The following PHACTR1 variants were observed in gnomAD, a reference collection of about 807,000 sequenced individuals.
PHACTR1 encodes RPEL repeat containing 1.
A neutral mutation model predicts 69.2 loss-of-function variants in PHACTR1; 16 were observed. The ratio of observed to expected loss-of-function variants is 0.23; its 90% CI spans 0.16 to 0.35. The LOEUF (loss-of-function observed/expected upper bound fraction) is 0.35, where lower values mean the gene tolerates loss of function less well. Among genes scored for constraint, PHACTR1 ranks in the 10% least tolerant of loss-of-function variants. The probability of loss-of-function intolerance (pLI) is 1.00; values close to 1 mark genes in which losing one functional copy is unlikely to be tolerated. For missense variants in PHACTR1, 510 were observed against 734.7 expected (o/e 0.69, Z 3.54); for synonymous variants, 312 against 284.5 (o/e 1.10, Z -0.97).
At chr6:12,950,335 G>A (rs923787954) in intron 4 of PHACTR1, among the ~76,000 whole-genome samples, 3 of 152,170 alleles carry the variant, frequency 2.0e-5, no homozygotes, top group African/African-American at 2.4e-5. Context: ...AAGCTACATT[G>A]CCTTTTATGA....
At chr6:12,942,645 C>T (rs977851203) in intron 4 of PHACTR1, among the ~76,000 whole-genome samples, 1 of 152,088 alleles carries the variant, frequency 6.6e-6, no homozygotes, top group Non-Finnish European at 1.5e-5. Flanking sequence ...GGCGACAGAA[C>T]GAGATCCTGT....
At chr6:12,761,761 A>G (rs1768042018) in intron 4 of PHACTR1, among the ~76,000 whole-genome samples, 1 of 152,134 alleles carries the variant, frequency 6.6e-6, no homozygotes, top group African/African-American at 2.4e-5. Flanking sequence ...CCCCAACTGA[A>G]TGCCCTAATT....
chr6:13,048,887 C>T (rs1274931127), intron 4 of PHACTR1, among the ~76,000 whole-genome samples: 1 of 152,238 alleles, frequency 6.6e-6, no homozygotes, highest in Non-Finnish European at 1.5e-5. Context: ...GCCATCCTCA[C>T]ACTTAAGCCT....
chr6:13,194,378 G>A (rs1250481113), intron 7 of PHACTR1, among the ~76,000 whole-genome samples: 1 of 147,388 alleles, frequency 6.8e-6, no homozygotes, highest in Non-Finnish European at 1.5e-5. Context: ...ACTCCAGCCT[G>A]GTGACAGAGC....
chr6:12,964,289 A>G (rs146404310), intron 4 of PHACTR1, among the ~76,000 whole-genome samples: 2 of 152,358 alleles, frequency 1.3e-5, no homozygotes, highest in Non-Finnish European at 2.9e-5. Context: ...ATTTTAACAA[A>G]ATATAGAAAA....
chr6:13,002,854 A>G (rs1798261223), intron 4 of PHACTR1, among the ~76,000 whole-genome samples: 2 of 152,240 alleles, frequency 1.3e-5, no homozygotes, highest in African/African-American at 4.8e-5. Context: ...AGTCACATGC[A>G]TTAATGCCCT....
At chr6:12,853,457 A>G (rs1343707596) in intron 4 of PHACTR1, among the ~76,000 whole-genome samples, 1 of 152,242 alleles carries the variant, frequency 6.6e-6, no homozygotes, top group Non-Finnish European at 1.5e-5. Flanking sequence ...AGAGATTCAA[A>G]TAATGTGCTG....
chr6:13,205,812 C>A lies in PHACTR1; in HGVS notation c.665-3C>A. The A allele has an allele frequency of 6.3e-7, 1 of 1,575,242 alleles. No homozygotes were observed. Among genetic ancestry groups the A allele is most frequent in the South Asian group, 1.2e-5 (1 of 86,502 alleles). On this transcript the variant is annotated splice_polypyrimidine_tract_variant and splice_region_variant and intron_variant, in intron 7 of 14. Transcript: ENST00000332995. ...TCTGCCTCTCGCCCTCTTTCTGCCA[C>A]AGATCCTGGCGCCCCTGTGAAATTG...
chr6:13,255,939 C>G (rs429919), intron 10 of PHACTR1, among the ~76,000 whole-genome samples: 11,336 of 152,262 alleles, frequency 0.074, 704 homozygotes, highest in Admixed American at 0.22. Flanking sequence ...TAGGCAGTGC[C>G]CCAGTGGGGA....
At chr6:13,211,111 A>G (rs1307080162) in intron 8 of PHACTR1, among the ~76,000 whole-genome samples, 1 of 151,596 alleles carries the variant, frequency 6.6e-6, no homozygotes, top group African/African-American at 2.4e-5. Flanking sequence ...ACAACTTTTT[A>G]TTTGTTTATT....
intron 4 of PHACTR1, among the ~76,000 whole-genome samples, chr6:12,947,305 T>G (rs769651452): frequency 6.6e-6 from 1 of 151,854 alleles, no homozygotes; most frequent in Non-Finnish European, 1.5e-5. Context: ...TTTATCTGGC[T>G]TCCCAAGTAT....
intron 5 of PHACTR1, among the ~76,000 whole-genome samples, chr6:13,100,850 G>A (rs571160195): frequency 6.6e-6 from 1 of 152,338 alleles, no homozygotes; most frequent in African/African-American, 2.4e-5. Flanking sequence ...AAAGGGTAAA[G>A]AGAAGAGGTG....
intron 8 of PHACTR1, among the ~76,000 whole-genome samples, chr6:13,207,504 A>G (rs1766113719): frequency 6.6e-6 from 1 of 152,250 alleles, no homozygotes; most frequent in Non-Finnish European, 1.5e-5. Context: ...GCAGGCCTGC[A>G]GCCACGACCC....
intron 4 of PHACTR1, among the ~76,000 whole-genome samples, chr6:13,034,030 T>G (rs1802879939): frequency 6.6e-6 from 1 of 152,102 alleles, no homozygotes; most frequent in Non-Finnish European, 1.5e-5. Flanking sequence ...TTTCTTTTTT[T>G]TTTTTGAGAC....
chr6:12,969,508 A>C (rs1793912562), intron 4 of PHACTR1, among the ~76,000 whole-genome samples: 1 of 152,152 alleles, frequency 6.6e-6, no homozygotes, highest in African/African-American at 2.4e-5. Context: ...TCAGGAGGCC[A>C]AGGTAGGAGG....
At chr6:12,774,820 AG>A (rs1230430968) in intron 4 of PHACTR1, among the ~76,000 whole-genome samples, 1 of 152,244 alleles carries the variant, frequency 6.6e-6, no homozygotes, top group African/African-American at 2.4e-5. Flanking sequence ...TTTTCAGGAA[AG>A]GGTATAGAAG....
intron 4 of PHACTR1, among the ~76,000 whole-genome samples, chr6:13,004,203 C>T (rs1255960725): frequency 6.6e-6 from 1 of 151,578 alleles, no homozygotes; most frequent in East Asian, 1.9e-4. Context: ...CATCTGTTTT[C>T]CATAGAGGTT....
intron 4 of PHACTR1, among the ~76,000 whole-genome samples, chr6:12,916,540 GT>G (rs10586172): frequency 0.025 from 3,396 of 133,276 alleles, 42 homozygotes; most frequent in East Asian, 0.089. Flanking sequence ...GGCATGGACT[GT>G]TTTTTTTTTT....
intron 4 of PHACTR1, among the ~76,000 whole-genome samples, chr6:12,846,798 C>CTTTTTA (rs769420244): frequency 5.3e-5 from 8 of 150,084 alleles, no homozygotes; most frequent in South Asian, 2.1e-4. Context: ...TAGCAACTTG[C>CTTTTTA]TTTTTATTTT....
Sources: allele counts gnomAD v4.1 joint callset (sites outside exome capture counted in the v4.1 genomes callset), GRCh38; gene constraint gnomAD v4.1.1; transcripts MANE v1.5; gene names NCBI Gene and HGNC (gene_info 2026-07-23, HGNC 2026-07-21).